Variants in CDH12 observed in about 807,000 individuals in gnomAD.
CDH12 encodes cadherin 12.
CDH12 carries 41 observed loss-of-function variants against 74.1 expected under a neutral mutation model. The ratio of observed to expected loss-of-function variants is 0.55; its 90% CI spans 0.43 to 0.72. The LOEUF (loss-of-function observed/expected upper bound fraction) is 0.72, where lower values mean the gene tolerates loss of function less well. Among genes scored for constraint, CDH12 ranks in the 30% least tolerant of loss-of-function variants. The pLI is 0.00. For missense variants in CDH12, 945 were observed against 977.2 expected (o/e 0.97, Z 0.44); for synonymous variants, 399 against 355.0 (o/e 1.12, Z -1.39).
chr5:22,399,482 G>C (rs1466428842), intron 3 of CDH12, among the ~76,000 whole-genome samples: 1 of 152,084 alleles, frequency 6.6e-6, no homozygotes, highest in East Asian at 1.9e-4. Context: ...TCATTTTAAA[G>C]CTTTTCAGCC....
chr5:22,706,406 A>G (rs962445502), intron 1 of CDH12, among the ~76,000 whole-genome samples: 1 of 152,116 alleles, frequency 6.6e-6, no homozygotes, highest in African/African-American at 2.4e-5. Context: ...TGAAACATAT[A>G]CACAAACTAA....
intron 4 of CDH12, among the ~76,000 whole-genome samples, chr5:22,103,908 T>G (rs1245062149): frequency 6.6e-6 from 1 of 152,132 alleles, no homozygotes; most frequent in African/African-American, 2.4e-5. Flanking sequence ...TCAAGTTAGG[T>G]TTTTGGCAAT....
chr5:22,657,044 GC>G (rs1317850286), intron 1 of CDH12, among the ~76,000 whole-genome samples: 2 of 152,018 alleles, frequency 1.3e-5, no homozygotes, highest in African/African-American at 4.8e-5. Context: ...CACCATGCCT[GC>G]CCACATTTTT....
At chr5:21,898,497 T>G (rs1456827424) in intron 6 of CDH12, among the ~76,000 whole-genome samples, 1 of 151,864 alleles carries the variant, frequency 6.6e-6, no homozygotes, top group African/African-American at 2.4e-5. Flanking sequence ...GGTCAGGAGA[T>G]CGAGACCATC....
At chr5:22,829,541 A>G (rs976500275) in intron 1 of CDH12, among the ~76,000 whole-genome samples, 3 of 152,188 alleles carry the variant, frequency 2.0e-5, no homozygotes, top group African/African-American at 7.2e-5. Context: ...GGAGTGCCAC[A>G]GTTTAACTGA....
chr5:21,999,298 T>G (rs1188113520), intron 5 of CDH12, among the ~76,000 whole-genome samples: 2 of 152,130 alleles, frequency 1.3e-5, no homozygotes, highest in Non-Finnish European at 2.9e-5. Context: ...GCACCAACAT[T>G]TAAAAGGCAA....
At chr5:22,404,897 G>A (rs1000776500) in intron 3 of CDH12, among the ~76,000 whole-genome samples, 6 of 152,110 alleles carry the variant, frequency 3.9e-5, no homozygotes, top group Non-Finnish European at 8.8e-5. Flanking sequence ...ACTCTTCATG[G>A]TTTTATATGT....
chr5:22,743,775 T>C (rs1315257482), intron 1 of CDH12, among the ~76,000 whole-genome samples: 1 of 152,172 alleles, frequency 6.6e-6, no homozygotes, highest in African/African-American at 2.4e-5. Flanking sequence ...ATGAAAAATA[T>C]GTAACATTCC....
At chr5:22,279,497 G>A (rs1487655854) in intron 3 of CDH12, among the ~76,000 whole-genome samples, 1 of 152,002 alleles carries the variant, frequency 6.6e-6, no homozygotes, top group Non-Finnish European at 1.5e-5. Flanking sequence ...TTTACATTAG[G>A]TATATCTCCT....
chr5:22,515,863 TA>T (rs1736788023), intron 1 of CDH12, among the ~76,000 whole-genome samples: 1 of 152,038 alleles, frequency 6.6e-6, no homozygotes, highest in South Asian at 2.1e-4. Context: ...AGAAAAGTAC[TA>T]AAAAATTCTA....
chr5:22,792,143 C>G (rs1267385004), intron 1 of CDH12, among the ~76,000 whole-genome samples: 2 of 140,636 alleles, frequency 1.4e-5, no homozygotes, highest in African/African-American at 5.4e-5. Flanking sequence ...GGCTGGAGTG[C>G]AGTCGCATAA....
chr5:22,772,347 T>A (rs560797404), intron 1 of CDH12, among the ~76,000 whole-genome samples: 46 of 152,128 alleles, frequency 3.0e-4, no homozygotes, highest in African/African-American at 1.1e-3. Flanking sequence ...GAAGAAAGAA[T>A]GATGTCGGTT....
At chr5:21,981,618 G>T (rs1227239311) in intron 5 of CDH12, among the ~76,000 whole-genome samples, 1 of 151,740 alleles carries the variant, frequency 6.6e-6, no homozygotes, top group African/African-American at 2.4e-5. Context: ...TCTTCTCCCC[G>T]TCCCCCACCA....
At chr5:22,503,287 C>T (rs925619543) in intron 2 of CDH12, among the ~76,000 whole-genome samples, 1 of 151,828 alleles carries the variant, frequency 6.6e-6, no homozygotes, top group African/African-American at 2.4e-5. Flanking sequence ...ATACACTGCC[C>T]TATGTGATTG....
At chr5:22,290,868 C>T (rs935247777) in intron 3 of CDH12, among the ~76,000 whole-genome samples, 2 of 152,038 alleles carry the variant, frequency 1.3e-5, no homozygotes, top group Non-Finnish European at 2.9e-5. Flanking sequence ...AATAAAAAGT[C>T]CCCCATCCAA....
At chr5:22,155,433 A>C (rs1299411902) in intron 4 of CDH12, among the ~76,000 whole-genome samples, 1 of 152,152 alleles carries the variant, frequency 6.6e-6, no homozygotes, top group Non-Finnish European at 1.5e-5. Flanking sequence ...ATTGTATTTA[A>C]AATGTTAGGA....
At chr5:22,802,898 T>G (rs1022804853) in intron 1 of CDH12, among the ~76,000 whole-genome samples, 1 of 152,200 alleles carries the variant, frequency 6.6e-6, no homozygotes, top group East Asian at 1.9e-4. Flanking sequence ...TATTTTTGTT[T>G]AATATGGAAG....
At chr5:22,385,884 C>CTTTTTTTTT in intron 3 of CDH12, among the ~76,000 whole-genome samples, 1 of 95,416 alleles carries the variant, frequency 1.0e-5, no homozygotes, top group Non-Finnish European at 2.1e-5. Context: ...TGGCTACGCG[C>CTTTTTTTTT]TTTTTTTTTT....
chr5:22,537,849 G>T (rs1737925016), intron 1 of CDH12, among the ~76,000 whole-genome samples: 1 of 152,200 alleles, frequency 6.6e-6, no homozygotes, highest in Admixed American at 6.5e-5. Context: ...TACTCTTACA[G>T]TATCACTTCT....
Sources: gnomAD v4.1 joint callset for allele counts (sites outside exome capture counted in the v4.1 genomes callset) on GRCh38, gnomAD v4.1.1 for gene constraint, MANE v1.5 for transcripts, NCBI Gene and HGNC (gene_info 2026-07-23, HGNC 2026-07-21) for gene names.